The following LY75 variants were observed in gnomAD, a reference collection of about 807,000 sequenced individuals.
LY75 encodes lymphocyte antigen 75, also known as C-type lectin domain family 13 member B.
In LY75, 185 loss-of-function variants were observed where a neutral mutation model predicts 231.7. That is an observed-to-expected ratio of 0.80 (90% CI 0.71 to 0.90). The LOEUF (loss-of-function observed/expected upper bound fraction) is 0.90. Among genes scored for constraint, LY75 ranks in the 40% least tolerant of loss-of-function variants. The pLI, the probability that LY75 is intolerant of heterozygous loss-of-function variation, is 0.00. For synonymous variants in LY75, 668 were observed against 689.0 expected (o/e 0.97, Z 0.48); for missense variants, 1,947 against 2,050.2 (o/e 0.95, Z 0.97).
At chr2:159,821,358 G>C (rs1020306276) in intron 28 of LY75, among the ~76,000 whole-genome samples, 24 of 152,242 alleles carry the variant, frequency 1.6e-4, no homozygotes, top group African/African-American at 5.3e-4. Flanking sequence ...GCTCACCCCT[G>C]TAATCACAGC....
At chr2:159,855,542 T>G (rs1684523395) in intron 16 of LY75, among the ~76,000 whole-genome samples, 2 of 152,264 alleles carry the variant, frequency 1.3e-5, no homozygotes, top group South Asian at 4.1e-4. Context: ...AATGGCATGC[T>G]ACACAGAATT....
intron 29 of LY75, among the ~76,000 whole-genome samples, chr2:159,818,513 C>G (rs771141970): frequency 1.3e-5 from 2 of 152,056 alleles, no homozygotes; most frequent in Non-Finnish European, 2.9e-5. Context: ...GAGAAAACAG[C>G]CAGCCAAGAG....
At chr2:159,821,755 C>A (rs899524214) in intron 28 of LY75, among the ~76,000 whole-genome samples, 3 of 152,028 alleles carry the variant, frequency 2.0e-5, no homozygotes, top group Non-Finnish European at 4.4e-5. Context: ...GCAAGATGGC[C>A]AAATAGGAAC....
chr2:159,811,609 C>A (rs1009262741), intron 31 of LY75, among the ~76,000 whole-genome samples: 5 of 152,118 alleles, frequency 3.3e-5, no homozygotes, highest in African/African-American at 1.2e-4. Context: ...TAAGTAAAGG[C>A]TTTTTCTGTT....
chr2:159,850,719 C>G (rs1284520089), intron 21 of LY75, among the ~76,000 whole-genome samples: 1 of 138,248 alleles, frequency 7.2e-6, no homozygotes, highest in Non-Finnish European at 1.5e-5. Context: ...CTTGAGCTTC[C>G]AGGCTCAAGC....
intron 23 of LY75, among the ~76,000 whole-genome samples, chr2:159,846,834 T>A (rs1684216870): frequency 6.6e-6 from 1 of 152,066 alleles, no homozygotes; most frequent in South Asian, 2.1e-4. Context: ...ATAGATAAAT[T>A]TGCAAAGAAA....
At chr2:159,852,631 C>T (rs1684437857) in intron 20 of LY75, among the ~76,000 whole-genome samples, 1 of 152,006 alleles carries the variant, frequency 6.6e-6, no homozygotes. Context: ...GTTGGCCAGG[C>T]TGGTCTCGAA....
intron 31 of LY75, among the ~76,000 whole-genome samples, chr2:159,811,157 G>C (rs529116585): frequency 6.6e-6 from 1 of 151,830 alleles, no homozygotes; most frequent in African/African-American, 2.4e-5. Context: ...TTACAGGCGT[G>C]ACCCCACAGC....
chr2:159,858,682 TG>T (rs1314957318), intron 15 of LY75, among the ~76,000 whole-genome samples: 7 of 152,224 alleles, frequency 4.6e-5, no homozygotes, highest in Non-Finnish European at 1.0e-4. Context: ...GGAAATATGT[TG>T]TAAAGTCATG....
chr2:159,806,811 A>G (rs543538712), intron 34 of LY75, among the ~76,000 whole-genome samples, 162 bp downstream of exon 34: 1 of 152,270 alleles, frequency 6.6e-6, no homozygotes, highest in Non-Finnish European at 1.5e-5. Context: ...CTTGTAATCT[A>G]TTTTTCAGGG....
intron 31 of LY75, among the ~76,000 whole-genome samples, chr2:159,814,963 A>G (rs1173475231): frequency 1.3e-5 from 2 of 151,868 alleles, no homozygotes; most frequent in East Asian, 3.9e-4. Context: ...CAAAGTATCA[A>G]AATTATTTTC....
At chr2:159,896,140 T>C (rs1036815309) in intron 2 of LY75, among the ~76,000 whole-genome samples, 66 of 152,240 alleles carry the variant, frequency 4.3e-4, no homozygotes, top group Admixed American at 1.3e-3. Flanking sequence ...TTGCCCAGAA[T>C]TCTGATAGTT....
Position 159,848,301 on chromosome 2 carries a change from G to C in LY75, c.3150+1679C>G, listed in dbSNP as rs899259638. Among the ~76,000 whole-genome samples, 9 of 152,080 alleles carry C rather than the reference G, an allele frequency of 5.9e-5. No homozygotes were observed. In the East Asian group the frequency reaches 9.7e-4, roughly 16 times the overall value. On this transcript the variant is annotated intron_variant, in intron 23 of 34. Transcript: ENST00000263636. ...CTATTATTCTAAGTGAAGTAACTCA[G>C]TAATGGAAAACCAAACATCGTTATG...
intron 28 of LY75, among the ~76,000 whole-genome samples, chr2:159,822,005 G>A (rs1189251709): frequency 1.3e-5 from 2 of 152,320 alleles, no homozygotes; most frequent in East Asian, 3.9e-4. Flanking sequence ...GGCACAGATA[G>A]TGCACTTGTC....
intron 23 of LY75, 113 bp downstream of exon 23, chr2:159,849,867 G>A: frequency 7.3e-7 from 1 of 1,374,306 alleles, no homozygotes; most frequent in South Asian, 1.5e-5. Flanking sequence ...GCCTATTCTG[G>A]ACATTTCATA....
Position 159,805,128 on chromosome 2 carries a change from A to G in LY75, c.5085T>C (p.Arg1695=), listed in dbSNP as rs1482353172. ...CTGATGAGAAACCCGCCAGGTGCAA[A>G]CGGTGCCTTTGGAAGAGGAACCAAA... The part of the protein sequence containing the change: ...GLIWFLFQRH[R]LHLAGFSSVR... The change falls in exon 35 of 35, where the codon CGT becomes CGC. Residue 1695 remains arginine (R), a synonymous_variant. Coordinates refer to ENST00000263636, the MANE Select transcript of LY75 (RefSeq NM_002349.4). 9 of 1,614,148 alleles carry G rather than the reference A, an allele frequency of 5.6e-6. No individual in the cohort carries two copies. Among genetic ancestry groups the G allele is most frequent in the Non-Finnish European group, 7.6e-6 (9 of 1,179,986 alleles).
At chr2:159,890,599 A>G (rs1057338574) in intron 3 of LY75, among the ~76,000 whole-genome samples, 2 of 152,022 alleles carry the variant, frequency 1.3e-5, no homozygotes, top group Admixed American at 6.6e-5. Flanking sequence ...CTTATTTTCC[A>G]TTCTCCTTTT....
At position 159,868,906 on chromosome 2, in the gene LY75, G is replaced by A. The variant is rs141662843; in HGVS notation, c.2117+3545C>T. Among the ~76,000 whole-genome samples the A allele has an allele frequency of 3.6e-3, 546 of 152,248 alleles. 5 individuals carry two copies. The highest frequency in any genetic ancestry group is 0.012 in the African/African-American group (512 of 41,528). ...CTGCTTGAAACTTACATGTCAGGAA[G>A]TATTGGTGGTGTATTTGAAAGGCCA... is the stretch of plus-strand genomic sequence containing the variant. On this transcript the variant is annotated intron_variant, in intron 13 of 34. Coordinates refer to ENST00000263636, the MANE Select transcript of LY75 (RefSeq NM_002349.4).
intron 28 of LY75, among the ~76,000 whole-genome samples, chr2:159,824,541 CA>C (rs1431878277): frequency 6.6e-6 from 1 of 152,064 alleles, no homozygotes; most frequent in Non-Finnish European, 1.5e-5. Context: ...ACCCCACTGT[CA>C]ATATTAGATC....
Sources: gnomAD v4.1 joint callset for allele counts (sites outside exome capture counted in the v4.1 genomes callset) on GRCh38, gnomAD v4.1.1 for gene constraint, MANE v1.5 for transcripts, NCBI Gene and HGNC (gene_info 2026-07-23, HGNC 2026-07-21) for gene names.